GTF2I: variants seen among roughly 807,000 people sequenced by gnomAD.
The protein encoded by GTF2I is general transcription factor IIi.
Under a neutral mutation model 67.6 loss-of-function variants are expected in GTF2I, and 12 were observed. The ratio of observed to expected loss-of-function variants is 0.18; its 90% confidence interval spans 0.11 to 0.29. The LOEUF (loss-of-function observed/expected upper bound fraction) is 0.29. Ranked by LOEUF, GTF2I falls within the 10% of genes least tolerant of loss-of-function variation. The pLI is 1.00. For synonymous variants in GTF2I, 149 were observed against 197.0 expected, an observed-to-expected ratio of 0.76 and a Z score of 2.04; for missense variants, 271 against 580.1, an observed-to-expected ratio of 0.47 and a Z score of 5.47.
Position 74,704,292 on chromosome 7 carries a change from A to ATTTATTTATTTT in GTF2I, c.587-869_587-868insATTTATTTTTTT, listed in dbSNP as rs1412934217. ...TTTTTATTTATTTATTTATTTATTT[A>ATTTATTTATTTT]TTTTTTTATTTATTTTGAGATGGAG... On this transcript the variant is annotated intron_variant, in intron 6 of 34. Coordinates refer to ENST00000573035, the MANE Select transcript of GTF2I (RefSeq NM_032999.4). Among the ~76,000 whole-genome samples the ATTTATTTATTTT allele has an allele frequency of 2.5e-3, 377 of 149,340 alleles. 1 individual carries two copies. The highest frequency in any genetic ancestry group is 0.014 in the Middle Eastern group (4 of 290).
intron 1 of GTF2I, among the ~76,000 whole-genome samples, chr7:74,662,511 CTTTTTTTTTTTTTT>C (rs1161320476): frequency 4.0e-5 from 2 of 50,200 alleles, no homozygotes; most frequent in African/African-American, 8.3e-5. Context: ...CACCTGGACC[CTTTTTTTTTTTTTT>C]TTTTTTTTTT....
At chr7:74,659,166 T>C (rs1220925478) in intron 1 of GTF2I, among the ~76,000 whole-genome samples, 2 of 151,958 alleles carry the variant, frequency 1.3e-5, no homozygotes, top group Non-Finnish European at 2.9e-5. Flanking sequence ...CAAGCGATCC[T>C]CCCACCTTGG....
rs187373112 is a variant in GTF2I at position 74,730,673 on chromosome 7, C to A, written c.1120+379C>A. 4.4e-3 allele frequency among the ~76,000 whole-genome samples: 640 copies of A among 145,778 alleles called. 11 individuals are homozygous for A. The highest frequency in any genetic ancestry group is 0.015 in the African/African-American group (608 of 39,938). ...TTTCTGTTAATCTACTTTGTTAAAT[C>A]CAGTATTTGCTGAGATCCCCCTATT... On this transcript the variant is annotated intron_variant, in intron 14 of 34. Transcript: ENST00000573035.
intron 2 of GTF2I, among the ~76,000 whole-genome samples, chr7:74,690,396 C>T (rs782538696): frequency 6.6e-6 from 1 of 152,056 alleles, no homozygotes; most frequent in Non-Finnish European, 1.5e-5. Context: ...AATATTTAAT[C>T]TCGTAGAAAT....
At chr7:74,691,155 C>G in intron 3 of GTF2I, 44 bp downstream of exon 3, 1 of 1,369,504 alleles carries the variant, frequency 7.3e-7, no homozygotes, top group Non-Finnish European at 1.0e-6. Flanking sequence ...TAATTTTAAG[C>G]CTAAATATTT....
chr7:74,661,177 A>G (rs1270485049), intron 1 of GTF2I, among the ~76,000 whole-genome samples: 2 of 151,888 alleles, frequency 1.3e-5, no homozygotes, highest in Non-Finnish European at 2.9e-5. Context: ...TCCCCGGGAG[A>G]GCTGGCATGT....
chr7:74,689,158 C>T lies in GTF2I; in HGVS notation c.30C>T (p.Pro10=), dbSNP rs142138701. ...CCCAAGTTGCAATGTCCACCCTCCC[C>T]GTTGAAGATGAGGAGTCCTCGGAGA... MAQVAMSTL[P]VEDEESSESR... Residue 10 remains proline, a synonymous_variant, in exon 2 of 35, where the codon CCC becomes CCT. Coordinates refer to ENST00000573035, the MANE Select transcript of GTF2I (RefSeq NM_032999.4). 292 of 1,612,576 alleles carry T rather than the reference C, an allele frequency of 1.8e-4. 1 individual carries two copies. Among genetic ancestry groups the T allele is most frequent in the South Asian group, 2.3e-4 (21 of 91,056 alleles).
chr7:74,704,418 G>C (rs192339904), intron 6 of GTF2I, among the ~76,000 whole-genome samples: 1 of 151,870 alleles, frequency 6.6e-6, no homozygotes, highest in East Asian at 1.9e-4. Flanking sequence ...AGCCTTCTGA[G>C]TAACTGGGAT....
intron 1 of GTF2I, among the ~76,000 whole-genome samples, chr7:74,678,808 G>A (rs2131247705): frequency 6.6e-6 from 1 of 152,224 alleles, no homozygotes; most frequent in African/African-American, 2.4e-5. Context: ...GTCTCGCTCT[G>A]TCACCCAGGC....
Position 74,700,329 on chromosome 7 carries a change from G to C in GTF2I, c.456G>C (p.Gly152=), listed in dbSNP as rs1554399520. The part of the protein sequence containing the change: ...LRDQSAVVVQ[G]LPEGVAFKHP... ...ACCAGTCGGCTGTGGTAGTGCAGGGGCTTCCGGAAGGTGTTGCCTTTAAAC... is the reference window on the plus strand; with the variant it reads ...ACCAGTCGGCTGTGGTAGTGCAGGGCCTTCCGGAAGGTGTTGCCTTTAAAC... Residue 152 remains glycine (G), a synonymous_variant, in exon 5 of 35, where the codon GGG becomes GGC. Coordinates refer to ENST00000573035, the MANE Select transcript of GTF2I (RefSeq NM_032999.4). The C allele has an allele frequency of 2.5e-6, 4 of 1,613,974 alleles. No individual in the cohort carries two copies. Among genetic ancestry groups the C allele is most frequent in the East Asian group, 4.5e-5 (2 of 44,896 alleles).
chr7:74,704,855 TAAAAAAAAAAA>T (rs35715710), intron 6 of GTF2I, among the ~76,000 whole-genome samples: 3 of 76,978 alleles, frequency 3.9e-5, no homozygotes, highest in East Asian at 4.8e-4. Context: ...ACCCTGTTTC[TAAAAAAAAAAA>T]AAAAAAAAAA....
intron 1 of GTF2I, among the ~76,000 whole-genome samples, chr7:74,687,311 G>A (rs587639200): frequency 3.3e-5 from 5 of 152,046 alleles, no homozygotes; most frequent in Non-Finnish European, 1.5e-5. Context: ...TGCAACCTCC[G>A]CCTCCTGGGC....
At chr7:74,720,337 G>A (rs1562973635) in intron 12 of GTF2I, among the ~76,000 whole-genome samples, 1 of 151,906 alleles carries the variant, frequency 6.6e-6, no homozygotes, top group Non-Finnish European at 1.5e-5. Context: ...ATGTCACTTG[G>A]TTATTTCTAG....
intron 3 of GTF2I, among the ~76,000 whole-genome samples, chr7:74,696,696 T>C (rs1468143446): frequency 1.3e-5 from 2 of 152,014 alleles, no homozygotes; most frequent in Admixed American, 1.3e-4. Context: ...GGTTTCACCA[T>C]GTTGGCCAGA....
chr7:74,708,182 A>C (rs1365649087), intron 8 of GTF2I, among the ~76,000 whole-genome samples: 2 of 152,084 alleles, frequency 1.3e-5, no homozygotes, highest in African/African-American at 2.4e-5. Context: ...GGGCGCCTGT[A>C]ATCCCAGCTA....
At chr7:74,692,935 T>C (rs1788474886) in intron 3 of GTF2I, among the ~76,000 whole-genome samples, 1 of 152,080 alleles carries the variant, frequency 6.6e-6, no homozygotes. Context: ...GCTAGTTTTG[T>C]ATTTTTAGTA....
chr7:74,721,153 T>G (rs1169981740), intron 12 of GTF2I, among the ~76,000 whole-genome samples: 1 of 152,260 alleles, frequency 6.6e-6, no homozygotes, highest in Non-Finnish European at 1.5e-5. Flanking sequence ...GCGATTCTCC[T>G]GCCTCAGCCT....
chr7:74,661,464 G>C (rs369148008), intron 1 of GTF2I, among the ~76,000 whole-genome samples: 1 of 152,170 alleles, frequency 6.6e-6, no homozygotes, highest in African/African-American at 2.4e-5. Flanking sequence ...TGGAACACCT[G>C]AAGTCAGGAG....
intron 8 of GTF2I, among the ~76,000 whole-genome samples, chr7:74,710,492 T>A (rs890788126): frequency 6.6e-6 from 1 of 152,210 alleles, no homozygotes; most frequent in Non-Finnish European, 1.5e-5. Flanking sequence ...CTTTTGTATC[T>A]GGCCACAAAG....
Sources: gnomAD v4.1 joint callset for allele counts (sites outside exome capture counted in the v4.1 genomes callset) on GRCh38, gnomAD v4.1.1 for gene constraint, MANE v1.5 for transcripts, NCBI Gene and HGNC (gene_info 2026-07-23, HGNC 2026-07-21) for gene names.